The following NLGN4Y variants were observed in gnomAD, a reference collection of about 807,000 sequenced individuals.
The protein encoded by NLGN4Y is neuroligin-4, Y-linked.
In NLGN4Y, 4 loss-of-function variants were observed where a neutral mutation model predicts 8.4. The ratio of observed to expected loss-of-function variants is 0.48; its 90% CI spans 0.23 to 1.09. The LOEUF (loss-of-function observed/expected upper bound fraction) is 1.09. Among genes scored for constraint, NLGN4Y ranks in the 50% least tolerant of loss-of-function variants. The pLI, the probability that NLGN4Y is intolerant of heterozygous loss-of-function variation, is 0.19. For missense variants in NLGN4Y, 90 were observed against 192.3 expected (o/e 0.47, Z 3.15); for synonymous variants, 35 against 75.6 (o/e 0.46, Z 2.78).
intron 2 of NLGN4Y, among the ~76,000 whole-genome samples, chrY:14,623,217 G>A: frequency 3.0e-5 from 1 of 33,689 alleles, no homozygotes; most frequent in Non-Finnish European, 7.4e-5. Context: ...TACATTAGAC[G>A]TGATGTGTTT....
chrY:14,676,236 A>T (rs2080748553), intron 2 of NLGN4Y, among the ~76,000 whole-genome samples: 1 of 32,626 alleles, frequency 3.1e-5, no homozygotes, highest in African/African-American at 1.2e-4. Context: ...TTCACCTTCC[A>T]TTAATAGTGA....
chrY:14,703,117 T>C, intron 2 of NLGN4Y, among the ~76,000 whole-genome samples: 1 of 33,343 alleles, frequency 3.0e-5, no homozygotes, highest in African/African-American at 1.2e-4. Context: ...AGGTTGCCTG[T>C]TCACTCTGAT....
intron 4 of NLGN4Y, among the ~76,000 whole-genome samples, chrY:14,765,077 A>G (rs912880088): frequency 8.9e-5 from 3 of 33,817 alleles, no homozygotes; most frequent in Admixed American, 8.1e-4. Flanking sequence ...GTTGTTCTGC[A>G]TTGGCTATAA....
intron 5 of NLGN4Y, among the ~76,000 whole-genome samples, chrY:14,827,296 T>C: frequency 8.8e-5 from 3 of 34,032 alleles, no homozygotes; most frequent in Admixed American, 8.0e-4. Context: ...GATATGACAG[T>C]TGTAGATTTA....
At chrY:14,653,826 A>C (rs2080639300) in intron 2 of NLGN4Y, among the ~76,000 whole-genome samples, 1 of 34,036 alleles carries the variant, frequency 2.9e-5, no homozygotes, top group Non-Finnish European at 7.3e-5. Context: ...CTGGGATTAC[A>C]GGCATGAGCC....
At chrY:14,525,223 C>G (rs2080088949) in intron 1 of NLGN4Y, among the ~76,000 whole-genome samples, 1 of 34,149 alleles carries the variant, frequency 2.9e-5, no homozygotes, top group South Asian at 6.5e-4. Context: ...TACCCCTCCC[C>G]TTCTTGAGAA....
Position 14,844,719 on chromosome Y carries a change from G to A in NLGN4Y, c.*3457G>A. On this transcript the variant is annotated 3_prime_UTR_variant, in exon 7 of 7. Transcript: ENST00000684976. ...AATATGTGAACTAAATCCTTCAGAT[G>A]TTGTTGGCCTCAATCATGTTGTGAA... 2 of 33,777 alleles carry A rather than the reference G, an allele frequency of 5.9e-5. No homozygotes were observed. Among genetic ancestry groups the A allele is most frequent in the African/African-American group, 1.2e-4 (1 of 8,682 alleles). 8.4% of individuals were successfully genotyped at this position (33,777 alleles called of 400,897 possible).
At chrY:14,701,788 C>T (rs2080849161) in intron 2 of NLGN4Y, among the ~76,000 whole-genome samples, 1 of 32,551 alleles carries the variant, frequency 3.1e-5, no homozygotes, top group Non-Finnish European at 7.5e-5. Context: ...ATTTTAAAAT[C>T]AGGCAATGCA....
rs199825885 is a variant in NLGN4Y at position 14,576,354 on chromosome Y, G to A, written c.-111-45655G>A. ...GATCTCAGACTGCTGTGCTAGCAAT[G>A]AGTGAGGACTTTGTGGGTGTAGGAC... is the stretch of plus-strand genomic sequence containing the variant. On this transcript the variant is annotated intron_variant, in intron 1 of 6. Transcript: ENST00000684976. 1.4e-3 allele frequency among the ~76,000 whole-genome samples: 48 copies of A among 33,807 alleles called. No individual in the cohort carries two copies. The East Asian group carries it at 0.036, about 26-fold the overall frequency. 90.7% of individuals were successfully genotyped at this position (33,807 alleles called of 37,273 possible).
intron 2 of NLGN4Y, among the ~76,000 whole-genome samples, chrY:14,670,320 A>G: frequency 2.9e-5 from 1 of 34,446 alleles, no homozygotes; most frequent in Non-Finnish European, 7.3e-5. Context: ...GAATCTCAAA[A>G]TGAAAGAAAG....
intron 2 of NLGN4Y, among the ~76,000 whole-genome samples, chrY:14,644,949 T>G: frequency 6.2e-5 from 2 of 32,119 alleles, no homozygotes; most frequent in Non-Finnish European, 1.5e-4. Flanking sequence ...GGAGATCTTC[T>G]AAGTTACCAT....
At chrY:14,688,938 T>C in intron 2 of NLGN4Y, among the ~76,000 whole-genome samples, 1 of 29,107 alleles carries the variant, frequency 3.4e-5, no homozygotes, top group Non-Finnish European at 8.0e-5. Context: ...TAAGATATTG[T>C]ATTATATATT....
chrY:14,702,148 C>T (rs1603502851), intron 2 of NLGN4Y, among the ~76,000 whole-genome samples: 1 of 32,375 alleles, frequency 3.1e-5, no homozygotes, highest in East Asian at 8.2e-4. Flanking sequence ...AGGCACTGCA[C>T]CTGGCCATAA....
chrY:14,813,885 T>A, intron 4 of NLGN4Y, among the ~76,000 whole-genome samples: 1 of 33,058 alleles, frequency 3.0e-5, no homozygotes, highest in Non-Finnish European at 7.4e-5. Context: ...TTTACAAGCT[T>A]CATTTCAGGG....
At chrY:14,774,078 G>A (rs2081116846) in intron 4 of NLGN4Y, among the ~76,000 whole-genome samples, 1 of 33,324 alleles carries the variant, frequency 3.0e-5, no homozygotes, top group Admixed American at 2.7e-4. Context: ...GTACCATTTA[G>A]GACATAGACA....
At position 14,552,849 on chromosome Y, in the gene NLGN4Y, G is replaced by A. The variant is rs771020209; in HGVS notation, c.-112+28141G>A. On this transcript the variant is annotated intron_variant, in intron 1 of 6. Transcript: ENST00000684976. ...GGCAAAAGCTGGAAGCATTCCCTTT[G>A]AAAACTGGCACAAGACAAGGATGCC... Among the ~76,000 whole-genome samples the A allele has an allele frequency of 2.4e-4, 8 of 33,817 alleles. No homozygotes were observed. In the South Asian group the frequency reaches 5.2e-3, roughly 22 times the overall value. 90.7% of individuals were successfully genotyped at this position (33,817 alleles called of 37,273 possible).
chrY:14,677,203 A>G, intron 2 of NLGN4Y, among the ~76,000 whole-genome samples: 1 of 33,922 alleles, frequency 2.9e-5, no homozygotes, highest in Non-Finnish European at 7.3e-5. Context: ...CCAACATCAA[A>G]GCACCATCAT....
intron 6 of NLGN4Y, among the ~76,000 whole-genome samples, chrY:14,836,608 C>G: frequency 3.2e-5 from 1 of 30,962 alleles, no homozygotes; most frequent in Non-Finnish European, 7.7e-5. Context: ...ATTATCCTGT[C>G]TCAGCATCCC....
At chrY:14,832,399 C>T (rs2043182890) in intron 6 of NLGN4Y, among the ~76,000 whole-genome samples, 1 of 34,314 alleles carries the variant, frequency 2.9e-5, no homozygotes, top group South Asian at 6.4e-4. Context: ...TGGAGATGCT[C>T]GTCTATCACT....
Sources: gnomAD v4.1 joint callset for allele counts (sites outside exome capture counted in the v4.1 genomes callset) on GRCh38, gnomAD v4.1.1 for gene constraint, MANE v1.5 for transcripts, NCBI Gene and HGNC (gene_info 2026-07-23, HGNC 2026-07-21) for gene names.